The following CTNNAL1 variants were observed in gnomAD, a reference collection of about 807,000 sequenced individuals.
CTNNAL1 encodes catenin alpha like 1.
CTNNAL1 carries 69 observed loss-of-function variants against 93.6 expected under a neutral mutation model. The ratio of observed to expected loss-of-function variants is 0.74; its 90% CI spans 0.61 to 0.90. CTNNAL1 has a LOEUF of 0.90. Among genes scored for constraint, CTNNAL1 ranks in the 40% least tolerant of loss-of-function variants. The pLI is 0.00. For missense variants in CTNNAL1, 836 were observed against 862.0 expected, an observed-to-expected ratio of 0.97 and a Z score of 0.38; for synonymous variants, 286 against 305.4, an observed-to-expected ratio of 0.94 and a Z score of 0.66.
chr9:109,002,036 C>G (rs1332756055), intron 1 of CTNNAL1, among the ~76,000 whole-genome samples: 1 of 152,116 alleles, frequency 6.6e-6, no homozygotes, highest in Non-Finnish European at 1.5e-5. Flanking sequence ...AAACTAGAAA[C>G]GTCAAAGAAA....
chr9:108,972,864 G>GGGGGGGGGCCCGCCCCCCC, intron 8 of CTNNAL1, 31 bp from the exon 9 acceptor site: 2 of 142,588 alleles, frequency 1.4e-5, no homozygotes, highest in Non-Finnish European at 1.0e-5. Flanking sequence ...GGGGGGGTGG[G>GGGGGGGGGCCCGCCCCCCC]AGGGTGGAGA....
intron 10 of CTNNAL1, among the ~76,000 whole-genome samples, chr9:108,969,934 A>C (rs1184589954): frequency 3.3e-5 from 5 of 152,170 alleles, no homozygotes. Flanking sequence ...AGCCTCAGAA[A>C]GTGCTGGGTT....
At chr9:108,969,860 G>T (rs10979632) in intron 10 of CTNNAL1, among the ~76,000 whole-genome samples, 1 of 151,886 alleles carries the variant, frequency 6.6e-6, no homozygotes, top group Non-Finnish European at 1.5e-5. Flanking sequence ...TTTGTAGACA[G>T]AGGGTCTTGC....
intron 6 of CTNNAL1, among the ~76,000 whole-genome samples, chr9:108,981,700 G>A (rs568740120): frequency 4.6e-5 from 7 of 152,190 alleles, no homozygotes; most frequent in Middle Eastern, 3.4e-3. Context: ...CAAGGTGGGC[G>A]GATCACCTGA....
At chr9:109,003,555 G>A (rs1464638293) in intron 1 of CTNNAL1, among the ~76,000 whole-genome samples, 2 of 152,150 alleles carry the variant, frequency 1.3e-5, no homozygotes, top group African/African-American at 2.4e-5. Flanking sequence ...CTTAATCAAG[G>A]AACTGGCAAC....
chr9:109,007,189 C>T (rs1048619157), intron 1 of CTNNAL1, among the ~76,000 whole-genome samples: 1 of 151,956 alleles, frequency 6.6e-6, no homozygotes, highest in Admixed American at 6.6e-5. Flanking sequence ...GAGCCGAGAT[C>T]CCGCCATTGC....
chr9:108,983,084 TTAAAA>T lies in CTNNAL1; in HGVS notation c.900+56_900+60del, dbSNP rs151119679. ...CAGAGCGAGACTCCATCTCAAAAAA[TTAAAA>T]TAAAATAAAATAAAATAAGAAGAGA... On this transcript the variant is annotated intron_variant, in intron 6 of 18. Coordinates refer to ENST00000325551, the MANE Select transcript of CTNNAL1 (RefSeq NM_003798.4). 3,387 of 1,254,968 alleles carry T rather than the reference TTAAAA, an allele frequency of 2.7e-3. 51 individuals carry two copies. In the African/African-American group the frequency reaches 0.037, roughly 14 times the overall value. 77.7% of individuals were successfully genotyped at this position (1,254,968 alleles called of 1,614,324 possible).
chr9:109,012,218 CAGG>C (rs754242536), intron 1 of CTNNAL1, among the ~76,000 whole-genome samples: 3 of 149,302 alleles, frequency 2.0e-5, no homozygotes, highest in Admixed American at 6.6e-5. Context: ...CAGGGCTGGG[CAGG>C]AGAAGAGATA....
chr9:108,978,048 T>C (rs1831312366), intron 7 of CTNNAL1, among the ~76,000 whole-genome samples: 1 of 152,240 alleles, frequency 6.6e-6, no homozygotes, highest in African/African-American at 2.4e-5. Flanking sequence ...TTGTGAAATA[T>C]GCACGGGTAA....
chr9:108,966,302 T>C (rs1465474746), intron 10 of CTNNAL1, among the ~76,000 whole-genome samples: 2 of 152,174 alleles, frequency 1.3e-5, no homozygotes, highest in Non-Finnish European at 2.9e-5. Flanking sequence ...AATAAATGTG[T>C]TGAATAAATA....
chr9:108,969,275 A>AG (rs902892610), intron 10 of CTNNAL1, among the ~76,000 whole-genome samples: 4 of 152,090 alleles, frequency 2.6e-5, no homozygotes, highest in African/African-American at 9.7e-5. Context: ...GTCTCAAAAA[A>AG]AAAAAAAGGA....
At chr9:108,970,571 AAG>A in intron 9 of CTNNAL1, 77 bp from the exon 10 acceptor site, 1 of 1,277,492 alleles carries the variant, frequency 7.8e-7, no homozygotes, top group Non-Finnish European at 1.0e-6. Context: ...TATAATTAAA[AAG>A]AAAATTTTAC....
chr9:109,009,498 G>A lies in CTNNAL1; in HGVS notation c.141+3804C>T, dbSNP rs143188107. On this transcript the variant is annotated intron_variant, in intron 1 of 18. Transcript: ENST00000325551. ...CCAGCAATGCCAATTGTCATTTACC[G>A]AGTTTCCATATATGTGTGGATCTGT... is the stretch of plus-strand genomic sequence containing the variant. Among the ~76,000 whole-genome samples the A allele has an allele frequency of 5.6e-4, 85 of 152,002 alleles. No homozygotes were observed. In the East Asian group the frequency reaches 0.011, roughly 19 times the overall value.
intron 8 of CTNNAL1, 32 bp from the exon 9 acceptor site, chr9:108,972,865 A>ACAG: frequency 2.1e-4 from 46 of 219,248 alleles, no homozygotes; most frequent in Non-Finnish European, 2.8e-4. Context: ...GGGGGGTGGG[A>ACAG]GGGTGGAGAA....
intron 4 of CTNNAL1, among the ~76,000 whole-genome samples, chr9:108,989,037 G>T (rs1005880439): frequency 2.6e-5 from 4 of 152,194 alleles, no homozygotes; most frequent in African/African-American, 7.2e-5. Flanking sequence ...CACATTTAAT[G>T]AGCTAAATTG....
At chr9:108,992,577 G>C in intron 3 of CTNNAL1, 55 bp downstream of exon 3, 1 of 1,526,606 alleles carries the variant, frequency 6.6e-7, no homozygotes, top group Non-Finnish European at 8.8e-7. Flanking sequence ...GTCATAAAAA[G>C]CACTTTGAAC....
chr9:109,013,488 C>T lies in CTNNAL1; in HGVS notation c.-46G>A, dbSNP rs1310089912. ...GCCGGGACTCCGCGCCGCGGCGAGC[C>T]TGCCGCCAGTCAGCCCACCCGCCCG... On this transcript the variant is annotated 5_prime_UTR_variant, in exon 1 of 19. Coordinates refer to ENST00000325551, the MANE Select transcript of CTNNAL1 (RefSeq NM_003798.4). 1.5e-6 allele frequency: 2 copies of T among 1,316,050 alleles called. No individual in the cohort carries two copies. Among genetic ancestry groups the T allele is most frequent in the East Asian group, 6.3e-5 (2 of 31,744 alleles). The allele number at this position is 1,316,050 out of a possible 1,614,324, so 81.5% of individuals were successfully genotyped here.
intron 14 of CTNNAL1, chr9:108,950,485 C>G: frequency 2.6e-6 from 4 of 1,546,228 alleles, no homozygotes; most frequent in South Asian, 1.2e-5. Context: ...TAACTCCTAT[C>G]ATTTCTGCCT....
intron 12 of CTNNAL1, among the ~76,000 whole-genome samples, chr9:108,954,967 T>C (rs545183658): frequency 1.2e-3 from 140 of 119,216 alleles, no homozygotes; most frequent in Non-Finnish European, 2.2e-3. Context: ...TCAGTAATTT[T>C]ATTTTTTTTT....
Sources: allele counts gnomAD v4.1 joint callset (sites outside exome capture counted in the v4.1 genomes callset), GRCh38; gene constraint gnomAD v4.1.1; transcripts MANE v1.5; gene names NCBI Gene and HGNC (gene_info 2026-07-23, HGNC 2026-07-21).